The following ZDHHC7 variants were observed in gnomAD, a reference collection of about 807,000 sequenced individuals.
ZDHHC7 encodes zDHHC palmitoyltransferase 7.
A neutral mutation model predicts 34.1 loss-of-function variants in ZDHHC7; 12 were observed. The ratio of observed to expected loss-of-function variants is 0.35; its 90% CI spans 0.23 to 0.57. The LOEUF (loss-of-function observed/expected upper bound fraction) is 0.57. ZDHHC7 is among the 20% of genes least tolerant of loss of function. ZDHHC7 has a pLI of 0.84. For synonymous variants in ZDHHC7, 185 were observed against 155.4 expected, an observed-to-expected ratio of 1.19 and a Z score of -1.42; for missense variants, 388 against 402.7, an observed-to-expected ratio of 0.96 and a Z score of 0.31.
upstream of ZDHHC7, among the ~76,000 whole-genome samples, chr16:85,015,838 A>G (rs1416709497): frequency 6.7e-6 from 1 of 148,230 alleles, no homozygotes; most frequent in Non-Finnish European, 1.5e-5. Context: ...TCCTATCTCA[A>G]AAAAAAAAAA....
chr16:84,988,819 G>C, intron 3 of ZDHHC7: 1 of 1,551,768 alleles, frequency 6.4e-7, no homozygotes, highest in South Asian at 1.2e-5. Flanking sequence ...ACAAGGGTTG[G>C]GTCCAGCCCA....
the ZDHHC7 span, among the ~76,000 whole-genome samples, chr16:85,020,687 G>A: frequency 1.3e-5 from 2 of 152,076 alleles, no homozygotes; most frequent in Non-Finnish European, 2.9e-5. Context: ...GAAGCGGTTC[G>A]AGACCACACA....
At chr16:85,024,547 T>C in the ZDHHC7 span, among the ~76,000 whole-genome samples, 2 of 152,224 alleles carry the variant, frequency 1.3e-5, no homozygotes, top group African/African-American at 4.8e-5. Context: ...TTTTTAAATA[T>C]TGATTTAGCC....
At chr16:84,991,780 G>A (rs780817954) in intron 2 of ZDHHC7, among the ~76,000 whole-genome samples, 2 of 152,086 alleles carry the variant, frequency 1.3e-5, no homozygotes, top group Non-Finnish European at 2.9e-5. Flanking sequence ...ATTACAGGTA[G>A]AGCCACCATG....
Position 84,976,073 on chromosome 16 carries a change from T to C in ZDHHC7, c.*270A>G. On this transcript the variant is annotated 3_prime_UTR_variant, in exon 8 of 8. Transcript: ENST00000313732. ...ATAACCCATGTAATAACCCGAAGTA[T>C]TCTCCACAGAAGCCCCAGCTCTGCA... The C allele has an allele frequency of 2.1e-6, 1 of 466,244 alleles. No individual in the cohort carries two copies. Among genetic ancestry groups the C allele is most frequent in the East Asian group, 4.3e-5 (1 of 23,042 alleles). The allele number at this position is 466,244 out of a possible 1,614,324, so 28.9% of individuals were successfully genotyped here.
rs113111808 is a variant in ZDHHC7 at position 84,999,805 on chromosome 16, A to G, written c.-103-3798T>C. On this transcript the variant is annotated intron_variant, in intron 1 of 7. Coordinates refer to ENST00000313732, the MANE Select transcript of ZDHHC7 (RefSeq NM_017740.3). Reference sequence around the variant, plus strand: ...GTGACACAGGCATATGCGTTTGTCAAAACAAAATACAATTCGCTGTTTAAA... The same window carrying G: ...GTGACACAGGCATATGCGTTTGTCAGAACAAAATACAATTCGCTGTTTAAA... Among the ~76,000 whole-genome samples, 720 of 152,290 alleles carry G rather than the reference A, an allele frequency of 4.7e-3. 2 individuals carry two copies. The highest frequency in any genetic ancestry group is 8.1e-3 in the Non-Finnish European group (553 of 68,014).
At position 85,003,909 on chromosome 16, in the gene ZDHHC7, G is replaced by A. The variant is rs2072683880; in HGVS notation, c.-104+7377C>T. Among the ~76,000 whole-genome samples, 8 of 152,094 alleles carry A rather than the reference G, an allele frequency of 5.3e-5. No individual in the cohort carries two copies. The South Asian group carries it at 1.7e-3, about 31-fold the overall frequency. On this transcript the variant is annotated intron_variant, in intron 1 of 7. Coordinates refer to ENST00000313732, the MANE Select transcript of ZDHHC7 (RefSeq NM_017740.3). Reference sequence around the variant, plus strand: ...CCCTAGCCACACCCGGTCTCTGACTGGATACTTCTCCTCCACCCATGTAAA... The same window carrying A: ...CCCTAGCCACACCCGGTCTCTGACTAGATACTTCTCCTCCACCCATGTAAA...
rs377181974 is a variant in ZDHHC7 at position 85,005,915 on chromosome 16, C to T, written c.-104+5371G>A. Reference sequence around the variant, plus strand: ...AATTCCTCCATTCCTACATGTATGACGACACTTCCCACTTACAGCTCTGAT... The same window carrying T: ...AATTCCTCCATTCCTACATGTATGATGACACTTCCCACTTACAGCTCTGAT... On this transcript the variant is annotated intron_variant, in intron 1 of 7. Transcript: ENST00000313732. Among the ~76,000 whole-genome samples the T allele has an allele frequency of 8.5e-5, 13 of 152,290 alleles. No individual in the cohort carries two copies. The South Asian group carries it at 1.0e-3, about 12-fold the overall frequency.
chr16:84,984,141 TACCAA>T (rs2072406921), intron 3 of ZDHHC7, among the ~76,000 whole-genome samples: 1 of 151,160 alleles, frequency 6.6e-6, no homozygotes, highest in Non-Finnish European at 1.5e-5. Context: ...TGCCTCAGCC[TACCAA>T]GTAGCTGGGA....
chr16:84,996,648 G>A (rs755271655), intron 1 of ZDHHC7, among the ~76,000 whole-genome samples: 6 of 152,170 alleles, frequency 3.9e-5, no homozygotes, highest in Non-Finnish European at 7.3e-5. Context: ...CAGATTCACT[G>A]TCAGACCTCC....
the ZDHHC7 span, among the ~76,000 whole-genome samples, chr16:85,024,223 G>GTTTT: frequency 8.2e-6 from 1 of 122,348 alleles, no homozygotes; most frequent in Non-Finnish European, 1.7e-5. Context: ...TGGTCTCAGA[G>GTTTT]TTTTTTGTTT....
At chr16:85,009,367 G>A (rs1028466935) in intron 1 of ZDHHC7, among the ~76,000 whole-genome samples, 1 of 151,968 alleles carries the variant, frequency 6.6e-6, no homozygotes, top group African/African-American at 2.4e-5. Flanking sequence ...CACTGAGAGG[G>A]CCATTCTATT....
chr16:85,020,553 A>G, the ZDHHC7 span, among the ~76,000 whole-genome samples: 19 of 152,266 alleles, frequency 1.2e-4, no homozygotes, highest in Admixed American at 5.9e-4. Flanking sequence ...ATATTTGTTG[A>G]GCAAAGGAGC....
intron 1 of ZDHHC7, among the ~76,000 whole-genome samples, chr16:84,996,347 C>G (rs1223426071): frequency 6.6e-6 from 1 of 152,136 alleles, no homozygotes; most frequent in East Asian, 1.9e-4. Context: ...CGTCGATAAG[C>G]TGATTTACTG....
At chr16:84,996,919 C>T (rs1321188250) in intron 1 of ZDHHC7, among the ~76,000 whole-genome samples, 2 of 151,424 alleles carry the variant, frequency 1.3e-5, no homozygotes, top group Non-Finnish European at 2.9e-5. Context: ...CCCAGCTACT[C>T]GGGAGGCTGT....
upstream of ZDHHC7, among the ~76,000 whole-genome samples, chr16:85,013,645 C>T (rs916350576): frequency 6.6e-6 from 1 of 152,116 alleles, no homozygotes; most frequent in Non-Finnish European, 1.5e-5. Flanking sequence ...ATGAGATGTA[C>T]ATGTTAATAA....
Position 85,008,099 on chromosome 16 carries a change from G to A in ZDHHC7, c.-104+3187C>T, listed in dbSNP as rs139281110. ...CCACCGCACTCCAGCCTGGGCAAAA[G>A]AGCAAGACCCTCTCAAAGCAAACAA... On this transcript the variant is annotated intron_variant, in intron 1 of 7. Transcript: ENST00000313732. Among the ~76,000 whole-genome samples the A allele has an allele frequency of 1.2e-3, 187 of 152,152 alleles. 1 individual carries two copies. Among genetic ancestry groups the A allele is most frequent in the African/African-American group, 4.3e-3 (178 of 41,426 alleles).
the ZDHHC7 span, among the ~76,000 whole-genome samples, chr16:85,018,558 C>T: frequency 2.6e-5 from 4 of 152,070 alleles, no homozygotes. Flanking sequence ...AGCAATTCTC[C>T]TGCCTCAGCC....
At chr16:85,023,547 A>G in the ZDHHC7 span, among the ~76,000 whole-genome samples, 1 of 152,240 alleles carries the variant, frequency 6.6e-6, no homozygotes, top group South Asian at 2.1e-4. Context: ...AAACACACAC[A>G]GAACTGGTGC....
Sources: gnomAD v4.1 joint callset for allele counts (sites outside exome capture counted in the v4.1 genomes callset) on GRCh38, gnomAD v4.1.1 for gene constraint, MANE v1.5 for transcripts, NCBI Gene and HGNC (gene_info 2026-07-23, HGNC 2026-07-21) for gene names.